The following CHADL variants were observed in gnomAD, a reference collection of about 807,000 sequenced individuals.
CHADL encodes the protein chondroadherin like, also known as chondroadherin-like protein.
CHADL carries 48 observed loss-of-function variants against 52.1 expected under a neutral mutation model. The observed-to-expected ratio is 0.92, with a 90% confidence interval of 0.73 to 1.17. The LOEUF (loss-of-function observed/expected upper bound fraction) is 1.17. Ranked by LOEUF, CHADL falls within the 50% of genes most tolerant of loss-of-function variation. CHADL has a pLI of 0.00. For synonymous variants in CHADL, 498 were observed against 511.2 expected, an observed-to-expected ratio of 0.97 and a Z score of 0.35; for missense variants, 977 against 1,035.1, an observed-to-expected ratio of 0.94 and a Z score of 0.77.
chr22:41,240,776 C>A, intron 1 of CHADL, 98 bp downstream of exon 1: 1 of 1,441,296 alleles, frequency 6.9e-7, no homozygotes, highest in African/African-American at 1.4e-5. Context: ...AGAGCCCCTG[C>A]CCGCCAGCCT....
intron 5 of CHADL, among the ~76,000 whole-genome samples, chr22:41,234,522 C>CA (rs1160671999): frequency 2.6e-5 from 4 of 151,586 alleles, no homozygotes; most frequent in Non-Finnish European, 5.9e-5. Flanking sequence ...GCTGGGATTA[C>CA]AGGCGCCCGC....
chr22:41,239,535 G>A lies in CHADL; in HGVS notation c.94C>T (p.Arg32Cys), dbSNP rs761913801. 2.9e-5 allele frequency: 45 copies of A among 1,549,214 alleles called. No individual in the cohort carries two copies. Among genetic ancestry groups the A allele is most frequent in the African/African-American group, 1.9e-4 (14 of 72,984 alleles). Residue 32 changes from arginine (R) to cysteine (C), a missense_variant, in exon 2 of 6, where the codon CGC becomes TGC. Physicochemically the swap from Arg to Cys is radical, Grantham distance 180 (BLOSUM62 -3). Coordinates refer to ENST00000216241, the MANE Select transcript of CHADL (RefSeq NM_138481.2). ...TCACAGATGCAGGCCTGTGGGCAGC[G>A]CTGGGCGGCGGCCTGCCTAGCCGGG... ...LAPARQAAAQRCPQACICDNS... is the reference protein window; with the variant it reads ...LAPARQAAAQCCPQACICDNS...
Position 41,238,083 on chromosome 22 carries a change from A to ACGCGCGCCCGCGCGCC in CHADL, c.988_989insGGCGCGCGGGCGCGCG (p.Val330GlyfsTer170). The ACGCGCGCCCGCGCGCC allele has an allele frequency of 2.3e-6, 3 of 1,286,540 alleles. No individual in the cohort carries two copies. Among genetic ancestry groups the ACGCGCGCCCGCGCGCC allele is most frequent in the Non-Finnish European group, 2.9e-6 (3 of 1,026,174 alleles). The allele number at this position is 1,286,540 out of a possible 1,614,324, so 79.7% of individuals were successfully genotyped here. ...CCCCTGGCACGCGCCGTCCGAGCGC[A>ACGCGCGCCCGCGCGCC]CGCGCGCCCGCGCCAGCCACTCGAG... On this transcript the variant is annotated frameshift_variant, in exon 3 of 6. Coordinates refer to ENST00000216241, the MANE Select transcript of CHADL (RefSeq NM_138481.2). LOFTEE classifies it high-confidence loss of function. The surrounding 1 kb of genome is among the most constrained non-coding windows in gnomAD (Gnocchi z 4.9).
At position 41,236,560 on chromosome 22, in the gene CHADL, T is replaced by C. The variant is rs1318960457; in HGVS notation, c.1987A>G (p.Ser663Gly). 2 of 1,551,348 alleles carry C rather than the reference T, an allele frequency of 1.3e-6. No homozygotes were observed. Among genetic ancestry groups the C allele is most frequent in the African/African-American group, 1.4e-5 (1 of 73,042 alleles). The change falls in exon 4 of 6, where the codon AGT (serine) becomes GGT (glycine). Residue 663 changes from serine (S) to glycine (G), a missense_variant. By Grantham distance (56) the Ser-to-Gly change is moderately conservative (BLOSUM62 0). Coordinates refer to ENST00000216241, the MANE Select transcript of CHADL (RefSeq NM_138481.2). ...NQLRALPALP[S>G]LSQLELIDLS... ...TCGATGAGCTCCAGCTGGCTGAGACTGGGCAGGGCAGGCAGGGCCCGAAGC... is the reference window on the plus strand; with the variant it reads ...TCGATGAGCTCCAGCTGGCTGAGACCGGGCAGGGCAGGCAGGGCCCGAAGC...
chr22:41,234,940 C>T (rs375445648), intron 5 of CHADL, among the ~76,000 whole-genome samples: 2 of 152,344 alleles, frequency 1.3e-5, no homozygotes, highest in South Asian at 2.1e-4. Context: ...CCGCCCACCT[C>T]GGCCTCCTGA....
rs369318579 is a variant in CHADL, at chr22:41,239,572, A to C, written c.57T>G (p.Leu19=). 6.0e-5 allele frequency: 93 copies of C among 1,547,194 alleles called. 1 individual carries two copies. Among genetic ancestry groups the C allele is most frequent in the Middle Eastern group, 3.3e-4 (2 of 5,996 alleles). Residue 19 remains leucine, a synonymous_variant, in exon 2 of 6, where the codon CTT becomes CTG. Transcript: ENST00000216241. ...HVPLVLPLLV[L]LLLAPARQAA... ...CCTGCCTAGCCGGGGCCAGCAGCAG[A>C]AGTACAAGAAGCGGCAGCACCAAGG... is the stretch of plus-strand genomic sequence containing the variant.
At chr22:41,234,547 A>T (rs1315283693) in intron 5 of CHADL, among the ~76,000 whole-genome samples, 1 of 142,874 alleles carries the variant, frequency 7.0e-6, no homozygotes, top group Non-Finnish European at 1.5e-5. Context: ...ACGCCCAGCT[A>T]ATTTTTTTTT....
rs543730736 is a variant in CHADL at position 41,239,454 on chromosome 22, C to T, written c.175G>A (p.Ala59Thr). 81 of 1,550,690 alleles carry T rather than the reference C, an allele frequency of 5.2e-5. No individual in the cohort carries two copies. Among genetic ancestry groups the T allele is most frequent in the Admixed American group, 4.3e-4 (22 of 50,910 alleles). ...RYQNLTEVPD[A>T]IPELTQRLDL... ...CCTGCCCTGCTGACCTCAGGGATGGCGTCTGGCACCTCAGTGAGGTTCTGG... is the reference window on the plus strand; with the variant it reads ...CCTGCCCTGCTGACCTCAGGGATGGTGTCTGGCACCTCAGTGAGGTTCTGG... Residue 59 changes from alanine to threonine, a missense_variant, in exon 2 of 6, where the codon GCC becomes ACC. Ala to Thr is a moderately conservative substitution (Grantham distance 58). Transcript: ENST00000216241.
At chr22:41,233,634 TGTTCCAGAGAGCACTACCG>T (rs1320811454) in intron 5 of CHADL, among the ~76,000 whole-genome samples, 5 of 152,192 alleles carry the variant, frequency 3.3e-5, no homozygotes, top group African/African-American at 4.8e-5. Context: ...TTCCACTACC[TGTTCCAGAGAGCACTACCG>T]GTTCCAGAGA....
At position 41,237,808 on chromosome 22, in the gene CHADL, C is replaced by T. The variant is rs2032773960; in HGVS notation, c.1264G>A (p.Gly422Ser). The change falls in exon 3 of 6, where the codon GGC becomes AGC. Residue 422 changes from glycine (G) to serine (S), a missense_variant. Physicochemically the swap from Gly to Ser is moderately conservative, Grantham distance 56. Coordinates refer to ENST00000216241, the MANE Select transcript of CHADL (RefSeq NM_138481.2). ...AGGAGCTGGGTGTCGCTGGGGAAGC[C>T]GCGGGGCACCGCCTGCAGGCCGCAG... is the stretch of plus-strand genomic sequence containing the variant. ...EGCGLQAVPR[G>S]FPSDTQLLDL... is the part of the protein sequence containing the mutation. The T allele has an allele frequency of 6.8e-7, 1 of 1,460,138 alleles. No homozygotes were observed. The highest frequency in any genetic ancestry group is 9.1e-7 in the Non-Finnish European group (1 of 1,102,350). The allele number at this position is 1,460,138 out of a possible 1,614,324, so 90.4% of individuals were successfully genotyped here. A position where few individuals can be genotyped will look rare whatever the true frequency, so the allele number is the denominator to read the frequency against.
Position 41,232,224 on chromosome 22 carries a change from CG to C in CHADL, c.2263-2495del, listed in dbSNP as rs2032626500. Among the ~76,000 whole-genome samples, 5 of 151,474 alleles carry C rather than the reference CG, an allele frequency of 3.3e-5. No homozygotes were observed. The South Asian group carries it at 1.0e-3, about 32-fold the overall frequency. On this transcript the variant is annotated intron_variant, in intron 5 of 5. Transcript: ENST00000216241. ...GCAGTCACCTGTAATCCCAGCTACT[CG>C]GGAGGCTGAGGCAGGAGAATCACTT...
chr22:41,231,280 T>A (rs1266703313), intron 5 of CHADL: 1 of 152,242 alleles, frequency 6.6e-6, no homozygotes, highest in Non-Finnish European at 1.5e-5. Flanking sequence ...GAGTCCCGTT[T>A]GTTAGATCTC....
In CHADL at chr22:41,237,270, G is replaced by A. The variant is rs1421646812; in HGVS notation, c.1802C>T (p.Ser601Leu). 1.3e-6 allele frequency: 2 copies of A among 1,550,552 alleles called. No homozygotes were observed. The highest frequency in any genetic ancestry group is 2.4e-5 in the East Asian group (1 of 40,912). ...GLPALLELQL[S>L]GNPLRALRDG... is the part of the protein sequence containing the mutation. ...ACGCAAGGCCCTGAGTGGGTTGCCC[G>A]AGAGCTGCAGCTCCAGGAGGGCAGG... Residue 601 changes from serine (S) to leucine (L), a missense_variant, in exon 3 of 6, where the codon TCG becomes TTG. By Grantham distance (145) the Ser-to-Leu change is moderately radical. Coordinates refer to ENST00000216241, the MANE Select transcript of CHADL (RefSeq NM_138481.2).
intron 5 of CHADL, among the ~76,000 whole-genome samples, chr22:41,231,632 C>T (rs2145627876): frequency 6.6e-6 from 1 of 152,384 alleles, no homozygotes; most frequent in East Asian, 1.9e-4. Context: ...AAGTATTGAT[C>T]TCTTGGGAGT....
Position 41,236,517 on chromosome 22 carries a change from A to G in CHADL, c.2030T>C (p.Phe677Ser), listed in dbSNP as rs1162764985. 1.3e-6 allele frequency: 2 copies of G among 1,551,338 alleles called. No homozygotes were observed. Among genetic ancestry groups the G allele is most frequent in the Admixed American group, 3.9e-5 (2 of 50,978 alleles). The change falls in exon 4 of 6, where the codon TTC becomes TCC. Residue 677 changes from phenylalanine (F) to serine (S), a missense_variant. By Grantham distance (155) the Phe-to-Ser change is radical. Transcript: ENST00000216241. ...CGGAAGCAGCTGGCAGTCACAGTGGAAGGGATTGCTGCTGAGGTCGATGAG... is the reference window on the plus strand; with the variant it reads ...CGGAAGCAGCTGGCAGTCACAGTGGGAGGGATTGCTGCTGAGGTCGATGAG... ...LELIDLSSNP[F>S]HCDCQLLPLH...
At chr22:41,240,469 C>G (rs563539885) in intron 1 of CHADL, among the ~76,000 whole-genome samples, 1 of 152,250 alleles carries the variant, frequency 6.6e-6, no homozygotes, top group Non-Finnish European at 1.5e-5. Context: ...GAGCCTCCCC[C>G]TCGCTGCTCA....
rs1196418757 is a variant in CHADL, at chr22:41,238,116, C to A, written c.956G>T (p.Arg319Leu). ...GNPLWCGCQARPLLEWLARAR... is the reference protein window; with the variant it reads ...GNPLWCGCQALPLLEWLARAR... ...CCGCGCCAGCCACTCGAGTAGGGGCCGCGCCTGGCAGCCGCACCACAGCGG... is the reference window on the plus strand; with the variant it reads ...CCGCGCCAGCCACTCGAGTAGGGGCAGCGCCTGGCAGCCGCACCACAGCGG... The change falls in exon 3 of 6, where the codon CGG becomes CTG. Residue 319 changes from arginine (R) to leucine (L), a missense_variant. Coordinates refer to ENST00000216241, the MANE Select transcript of CHADL (RefSeq NM_138481.2). This position sits in a 1 kb window ranked among gnomAD's most constrained non-coding sequence, Gnocchi z 4.9. 19 of 1,341,414 alleles carry A rather than the reference C, an allele frequency of 1.4e-5. No homozygotes were observed. The highest frequency in any genetic ancestry group is 2.8e-4 in the Middle Eastern group (1 of 3,628). The allele number at this position is 1,341,414 out of a possible 1,614,324, so 83.1% of individuals were successfully genotyped here. A position where few individuals can be genotyped will look rare whatever the true frequency, so the allele number is the denominator to read the frequency against.
chr22:41,230,089 C>CCCCCCCCG, intron 5 of CHADL: 1 of 873,242 alleles, frequency 1.1e-6, no homozygotes, highest in South Asian at 1.6e-5. Flanking sequence ...GCCCCCACCC[C>CCCCCCCCG]TCCCAGAGTT....
At chr22:41,236,341 T>C in intron 4 of CHADL, 143 bp downstream of exon 4, 1 of 688,280 alleles carries the variant, frequency 1.5e-6, no homozygotes, top group Non-Finnish European at 2.5e-6. Context: ...AAAGGGCTTA[T>C]ACATGCCTGG....
Sources: allele counts gnomAD v4.1 joint callset (sites outside exome capture counted in the v4.1 genomes callset), GRCh38; gene constraint gnomAD v4.1.1; non-coding constraint Gnocchi (gnomAD v3.1); transcripts MANE v1.5; gene names NCBI Gene and HGNC (gene_info 2026-07-23, HGNC 2026-07-21).